AFG2A: variants seen among roughly 807,000 people sequenced by gnomAD.
AFG2A encodes ATPase family gene 2 protein homolog A.
chr4:123,048,209 A>T, the AFG2A span, among the ~76,000 whole-genome samples: 2 of 152,022 alleles, frequency 1.3e-5, no homozygotes, highest in Non-Finnish European at 2.9e-5. Context: ...CTTTTGTTTC[A>T]TTGGTCTGTG....
chr4:123,054,350 T>G, the AFG2A span, among the ~76,000 whole-genome samples: 2 of 152,146 alleles, frequency 1.3e-5, no homozygotes, highest in African/African-American at 4.8e-5. Flanking sequence ...TATTTCGCCA[T>G]CTTGGTGGTG....
At chr4:123,025,984 A>C in the AFG2A span, among the ~76,000 whole-genome samples, 1 of 152,156 alleles carries the variant, frequency 6.6e-6, no homozygotes, top group African/African-American at 2.4e-5. Context: ...AAGAGTTAAA[A>C]GGTAGTTGGA....
At chr4:123,032,010 C>G in the AFG2A span, among the ~76,000 whole-genome samples, 2 of 152,162 alleles carry the variant, frequency 1.3e-5, no homozygotes, top group Non-Finnish European at 2.9e-5. Context: ...TTCTCTCTTG[C>G]TTTTGTCTGG....
chr4:123,069,597 A>T, the AFG2A span, among the ~76,000 whole-genome samples: 4 of 152,206 alleles, frequency 2.6e-5, no homozygotes, highest in Admixed American at 6.5e-5. Context: ...TCCTGAGCCA[A>T]GCATTTCTGC....
the AFG2A span, among the ~76,000 whole-genome samples, chr4:123,046,108 A>G: frequency 6.6e-5 from 10 of 151,952 alleles, 1 homozygote; most frequent in Admixed American, 6.5e-4. Flanking sequence ...AAAAAAAAAA[A>G]GAAAGAAAGA....
the AFG2A span, among the ~76,000 whole-genome samples, chr4:123,018,181 A>G: frequency 6.6e-6 from 1 of 152,156 alleles, no homozygotes; most frequent in African/African-American, 2.4e-5. Flanking sequence ...TTCCTTGGGA[A>G]ATTTATCTCA....
chr4:123,171,256 CTGT>C, the AFG2A span, among the ~76,000 whole-genome samples: 1 of 152,102 alleles, frequency 6.6e-6, no homozygotes, highest in African/African-American at 2.4e-5. Context: ...CATAGTAAGT[CTGT>C]TGTTATAAAT....
chr4:122,944,652 C>T, the AFG2A span, among the ~76,000 whole-genome samples: 7 of 152,290 alleles, frequency 4.6e-5, no homozygotes, highest in East Asian at 1.9e-4. Context: ...AGTCATTCTC[C>T]GTCCAGCTTT....
At chr4:123,265,564 C>G in the AFG2A span, among the ~76,000 whole-genome samples, 1 of 152,094 alleles carries the variant, frequency 6.6e-6, no homozygotes, top group African/African-American at 2.4e-5. Context: ...CCTTGTGCTG[C>G]CATACCTGTA....
At chr4:123,071,762 G>A in the AFG2A span, among the ~76,000 whole-genome samples, 2 of 152,202 alleles carry the variant, frequency 1.3e-5, no homozygotes, top group East Asian at 3.9e-4. Context: ...TCTAAAATAG[G>A]TTCCTGCTGA....
chr4:123,258,019 A>G, the AFG2A span, among the ~76,000 whole-genome samples: 4 of 152,232 alleles, frequency 2.6e-5, no homozygotes, highest in Non-Finnish European at 5.9e-5. Context: ...ATTAATTTTT[A>G]TATGAGATCT....
chr4:123,162,253 C>T, the AFG2A span, among the ~76,000 whole-genome samples: 7 of 152,274 alleles, frequency 4.6e-5, no homozygotes, highest in East Asian at 3.9e-4. Context: ...TTTTAAGGAA[C>T]TTGAACACCA....
At chr4:123,251,269 T>A in the AFG2A span, among the ~76,000 whole-genome samples, 1 of 152,132 alleles carries the variant, frequency 6.6e-6, no homozygotes, top group African/African-American at 2.4e-5. Flanking sequence ...TTTAAAAAAA[T>A]AACCAAGCTC....
chr4:123,086,617 T>C, the AFG2A span, among the ~76,000 whole-genome samples: 1 of 152,210 alleles, frequency 6.6e-6, no homozygotes, highest in Non-Finnish European at 1.5e-5. Flanking sequence ...TCTTCTTTCT[T>C]CTTTTGGTGT....
the AFG2A span, among the ~76,000 whole-genome samples, chr4:122,941,934 T>C: frequency 2.6e-5 from 4 of 151,668 alleles, no homozygotes; most frequent in Non-Finnish European, 5.9e-5. Flanking sequence ...CTGGATTACA[T>C]TTATTGATTT....
the AFG2A span, among the ~76,000 whole-genome samples, chr4:123,156,762 A>G: frequency 4.1e-5 from 1 of 24,594 alleles, no homozygotes; most frequent in Non-Finnish European, 2.6e-4. Context: ...AGAAGATTAA[A>G]AAAAAAAAAA....
the AFG2A span, among the ~76,000 whole-genome samples, chr4:123,177,992 A>AG: frequency 6.6e-6 from 1 of 152,248 alleles, no homozygotes; most frequent in South Asian, 2.1e-4. Flanking sequence ...GTCAGCCAGG[A>AG]GAAAGTACAC....
At chr4:123,306,930 G>A in the AFG2A span, among the ~76,000 whole-genome samples, 1 of 152,306 alleles carries the variant, frequency 6.6e-6, no homozygotes, top group African/African-American at 2.4e-5. Context: ...AGCCTATGGG[G>A]GAAGAGGACA....
the AFG2A span, among the ~76,000 whole-genome samples, chr4:123,047,036 T>C: frequency 6.6e-6 from 1 of 152,210 alleles, no homozygotes; most frequent in Non-Finnish European, 1.5e-5. Context: ...CTGGCTGTTG[T>C]AAATAGTGCT....
Sources: allele counts gnomAD v4.1 joint callset (sites outside exome capture counted in the v4.1 genomes callset), GRCh38; gene constraint gnomAD v4.1.1; transcripts MANE v1.5; gene names NCBI Gene and HGNC (gene_info 2026-07-23, HGNC 2026-07-21).